STXBP4: variants seen among roughly 807,000 people sequenced by gnomAD.
The protein encoded by STXBP4 is syntaxin-binding protein 4.
STXBP4 carries 55 observed loss-of-function variants against 76.1 expected under a neutral mutation model. That is an observed-to-expected ratio of 0.72 (90% CI 0.58 to 0.91). The LOEUF (loss-of-function observed/expected upper bound fraction) is 0.91. STXBP4 is among the 40% of genes least tolerant of loss of function. The probability of loss-of-function intolerance (pLI) is 0.00; values close to 1 mark genes in which losing one functional copy is unlikely to be tolerated. For synonymous variants in STXBP4, 201 were observed against 220.2 expected (o/e 0.91, Z 0.77); for missense variants, 618 against 636.9 (o/e 0.97, Z 0.32).
chr17:55,005,276 A>G (rs543213174), intron 7 of STXBP4, among the ~76,000 whole-genome samples: 1 of 152,322 alleles, frequency 6.6e-6, no homozygotes, highest in South Asian at 2.1e-4. Context: ...TGTTGAACAC[A>G]CTTAAGAACA....
intron 1 of STXBP4, among the ~76,000 whole-genome samples, chr17:54,970,722 C>T (rs370414496): frequency 6.6e-6 from 1 of 152,184 alleles, no homozygotes; most frequent in South Asian, 2.1e-4. Context: ...TCTGTTTCTC[C>T]AGGCACCCCT....
At chr17:55,173,711 T>C (rs2080418104), downstream of STXBP4, 1 of 152,246 alleles carries the variant, frequency 6.6e-6, no homozygotes, top group Admixed American at 6.5e-5. Flanking sequence ...GATTTTGTGA[T>C]ATATATGTTT....
At chr17:55,051,126 A>G (rs1279484720) in intron 12 of STXBP4, among the ~76,000 whole-genome samples, 3 of 152,212 alleles carry the variant, frequency 2.0e-5, no homozygotes, top group African/African-American at 7.2e-5. Context: ...TATGCATGTT[A>G]AGATACAGGA....
intron 16 of STXBP4, among the ~76,000 whole-genome samples, chr17:55,093,199 G>A (rs964582265): frequency 2.0e-5 from 3 of 151,936 alleles, no homozygotes; most frequent in African/African-American, 7.3e-5. Context: ...TTGCCACATT[G>A]GCCCGGCTGG....
intron 7 of STXBP4, among the ~76,000 whole-genome samples, chr17:55,002,097 A>G (rs559939563): frequency 6.6e-6 from 1 of 152,284 alleles, no homozygotes; most frequent in South Asian, 2.1e-4. Context: ...TTCCTCTTAC[A>G]TAATTAATTT....
chr17:55,201,745 A>T, the STXBP4 span, among the ~76,000 whole-genome samples: 1 of 152,192 alleles, frequency 6.6e-6, no homozygotes, highest in Non-Finnish European at 1.5e-5. Flanking sequence ...CTCTCTCTGT[A>T]TTTGCTTCAT....
intron 1 of STXBP4, among the ~76,000 whole-genome samples, chr17:54,972,763 A>G (rs2077419142): frequency 6.6e-6 from 1 of 152,190 alleles, no homozygotes; most frequent in Admixed American, 6.5e-5. Context: ...CAGAGACCCT[A>G]GAAAATTTTT....
At chr17:55,006,945 G>A (rs1477508708) in intron 7 of STXBP4, among the ~76,000 whole-genome samples, 2 of 152,140 alleles carry the variant, frequency 1.3e-5, no homozygotes, top group Non-Finnish European at 2.9e-5. Flanking sequence ...TGTCTTTTAA[G>A]TTAATATATC....
chr17:54,969,321 T>C (rs918404523), intron 1 of STXBP4, among the ~76,000 whole-genome samples: 1 of 152,186 alleles, frequency 6.6e-6, no homozygotes, highest in African/African-American at 2.4e-5. Flanking sequence ...TGGGAGGATG[T>C]AATAGCTTTC....
intron 16 of STXBP4, among the ~76,000 whole-genome samples, chr17:55,138,515 C>G (rs1048420567): frequency 6.6e-6 from 1 of 151,930 alleles, no homozygotes; most frequent in Non-Finnish European, 1.5e-5. Flanking sequence ...GTTATTGATT[C>G]AAAACAGATG....
rs187623425 is a variant in STXBP4, at chr17:55,014,843, A to G, written c.666+7246A>G. Among the ~76,000 whole-genome samples the G allele has an allele frequency of 8.7e-4, 132 of 151,932 alleles. 1 individual carries two copies. The East Asian group carries it at 0.02, about 23-fold the overall frequency. On this transcript the variant is annotated intron_variant, in intron 8 of 17. Transcript: ENST00000376352. ...GGAAGCAAGCCCTATTAGGCATTCA[A>G]TTTGCCCAGCTTTTCCCTTTTCCAG...
At chr17:54,982,001 T>C (rs559254678) in intron 1 of STXBP4, among the ~76,000 whole-genome samples, 14 of 152,268 alleles carry the variant, frequency 9.2e-5, no homozygotes, top group Admixed American at 9.1e-4. Context: ...AATCCAAACG[T>C]TATTTAGTAT....
chr17:55,154,757 G>A (rs2080258226), intron 17 of STXBP4, among the ~76,000 whole-genome samples: 1 of 151,950 alleles, frequency 6.6e-6, no homozygotes, highest in Admixed American at 6.6e-5. Flanking sequence ...TCTTTTCAGT[G>A]TTTATCTTTT....
chr17:55,057,991 T>G (rs2078951107), intron 12 of STXBP4, among the ~76,000 whole-genome samples: 1 of 152,216 alleles, frequency 6.6e-6, no homozygotes, highest in Admixed American at 6.5e-5. Flanking sequence ...TCTTTGCCAT[T>G]GTGAACAGTG....
Position 55,166,615 on chromosome 17 carries a change from C to T in STXBP4, c.*6704C>T, listed in dbSNP as rs1437168358. 6.6e-6 allele frequency: 1 copy of T among 152,238 alleles called. No individual in the cohort carries two copies. Among genetic ancestry groups the T allele is most frequent in the African/African-American group, 2.4e-5 (1 of 41,450 alleles). The allele number at this position is 152,238 out of a possible 1,614,324, so 9.4% of individuals were successfully genotyped here. The stretch of plus-strand genomic sequence containing the variant: ...AGATTCTGCTCTCATTTTACCTCTT[C>T]TTTGAAGAGCTCCTTGACACATGCT... On this transcript the variant is annotated 3_prime_UTR_variant, in exon 18 of 18. Transcript: ENST00000376352.
the STXBP4 span, among the ~76,000 whole-genome samples, chr17:55,186,493 G>A: frequency 1.3e-5 from 2 of 152,146 alleles, no homozygotes; most frequent in Non-Finnish European, 2.9e-5. Flanking sequence ...GGCATTTAAA[G>A]AAAATATATC....
chr17:55,049,069 A>G lies in STXBP4; in HGVS notation c.1011+1915A>G, dbSNP rs576034935. Among the ~76,000 whole-genome samples, 44 of 152,146 alleles carry G rather than the reference A, an allele frequency of 2.9e-4. 1 individual carries two copies. The highest frequency in any genetic ancestry group is 6.8e-3 in the Middle Eastern group (2 of 294). Reference sequence around the variant, plus strand: ...GACCAGCATTGGGTTTCTCAAAACAACATGCAAAGTAAGGCAATAGTGGAA... The same window carrying G: ...GACCAGCATTGGGTTTCTCAAAACAGCATGCAAAGTAAGGCAATAGTGGAA... On this transcript the variant is annotated intron_variant, in intron 12 of 17. Transcript: ENST00000376352.
At chr17:55,125,500 A>AAAAAAAAT (rs1459281293) in intron 16 of STXBP4, among the ~76,000 whole-genome samples, 5 of 149,180 alleles carry the variant, frequency 3.4e-5, no homozygotes, top group African/African-American at 1.3e-4. Flanking sequence ...AAAAAAAAAA[A>AAAAAAAAT]TACAATTGAA....
chr17:55,070,580 G>A (rs2079108077), intron 12 of STXBP4, among the ~76,000 whole-genome samples: 1 of 152,154 alleles, frequency 6.6e-6, no homozygotes, highest in Non-Finnish European at 1.5e-5. Context: ...GCACCCTGCT[G>A]CCAGATTTAG....
Sources: gnomAD v4.1 joint callset for allele counts (sites outside exome capture counted in the v4.1 genomes callset) on GRCh38, gnomAD v4.1.1 for gene constraint, MANE v1.5 for transcripts, NCBI Gene and HGNC (gene_info 2026-07-23, HGNC 2026-07-21) for gene names.